FAT3: variants seen among roughly 807,000 people sequenced by gnomAD.
FAT3 encodes protocadherin Fat 3.
A neutral mutation model predicts 310.2 loss-of-function variants in FAT3; 95 were observed. The observed-to-expected ratio is 0.31, with a 90% CI of 0.26 to 0.36. The LOEUF (loss-of-function observed/expected upper bound fraction) is 0.36, where lower values mean the gene tolerates loss of function less well. Among genes scored for constraint, FAT3 ranks in the 10% least tolerant of loss-of-function variants. FAT3 has a pLI of 1.00. For missense variants in FAT3, 5,408 were observed against 5,715.6 expected, an observed-to-expected ratio of 0.95 and a Z score of 1.74; for synonymous variants, 2,314 against 2,192.9, an observed-to-expected ratio of 1.06 and a Z score of -1.54.
intron 13 of FAT3, 96 bp from the exon 14 acceptor site, chr11:92,831,526 G>T: frequency 9.8e-7 from 1 of 1,017,364 alleles, no homozygotes; most frequent in Non-Finnish European, 1.4e-6. Flanking sequence ...TATTTTTCTT[G>T]TTGTGGCCCT....
chr11:92,522,771 A>G (rs1953729444), intron 2 of FAT3, among the ~76,000 whole-genome samples: 1 of 152,164 alleles, frequency 6.6e-6, no homozygotes, highest in Admixed American at 6.5e-5. Flanking sequence ...GTAAAGAGCC[A>G]AATTCCACCT....
intron 2 of FAT3, among the ~76,000 whole-genome samples, chr11:92,493,294 C>T (rs1357932346): frequency 1.3e-5 from 2 of 152,056 alleles, no homozygotes; most frequent in African/African-American, 4.8e-5. Flanking sequence ...CAGAAGTTTC[C>T]TCCCTATGCC....
In FAT3 at chr11:92,894,561, G is replaced by A. The variant is rs1949985425; in HGVS notation, c.*3448G>A. The A allele has an allele frequency of 6.6e-6, 1 of 152,154 alleles. No homozygotes were observed. The highest frequency in any genetic ancestry group is 2.4e-5 in the African/African-American group (1 of 41,434). 9.4% of individuals were successfully genotyped at this position (152,154 alleles called of 1,614,324 possible). On this transcript the variant is annotated 3_prime_UTR_variant, in exon 28 of 28. Coordinates refer to ENST00000525166, the MANE Select transcript of FAT3 (RefSeq NM_001367949.2). ...CTAGTATTGCACACATTCTGGTTAG[G>A]TTGAGAATAGCTAGACTCTTGGTGC... is the stretch of plus-strand genomic sequence containing the variant.
chr11:92,730,002 C>T, intron 4 of FAT3, among the ~76,000 whole-genome samples: 1 of 151,988 alleles, frequency 6.6e-6, no homozygotes, highest in East Asian at 1.9e-4. Flanking sequence ...TTCCTGTTTT[C>T]ATAATTTTGC....
chr11:92,432,936 A>T (rs1950827684), intron 2 of FAT3, among the ~76,000 whole-genome samples: 1 of 152,134 alleles, frequency 6.6e-6, no homozygotes, highest in African/African-American at 2.4e-5. Context: ...CCCTGCCCAG[A>T]GAGGAGGAAT....
intron 4 of FAT3, among the ~76,000 whole-genome samples, chr11:92,735,910 C>A (rs1344779986): frequency 6.6e-6 from 1 of 152,038 alleles, no homozygotes; most frequent in Admixed American, 6.6e-5. Flanking sequence ...AGTAACATCT[C>A]TGTGAGGTAG....
chr11:92,634,295 C>G (rs111983004), intron 3 of FAT3, among the ~76,000 whole-genome samples: 3 of 152,154 alleles, frequency 2.0e-5, no homozygotes, highest in African/African-American at 4.8e-5. Flanking sequence ...CCAAATCCCC[C>G]TTTTGTTTTC....
chr11:92,253,276 C>T (rs1353469030), intron 1 of FAT3, among the ~76,000 whole-genome samples: 1 of 151,778 alleles, frequency 6.6e-6, no homozygotes, highest in African/African-American at 2.4e-5. Context: ...CTGAGTGGAG[C>T]TAAGAAATGC....
chr11:92,819,361 G>A (rs534613887), intron 13 of FAT3, among the ~76,000 whole-genome samples: 3 of 152,318 alleles, frequency 2.0e-5, no homozygotes, highest in South Asian at 2.1e-4. Context: ...GAGCCACCTC[G>A]AGGGTGTATT....
chr11:92,368,226 G>C (rs1006201859), intron 2 of FAT3, among the ~76,000 whole-genome samples: 2 of 152,010 alleles, frequency 1.3e-5, no homozygotes, highest in African/African-American at 4.8e-5. Flanking sequence ...TTTTTCTCCA[G>C]TGTGGTTGAC....
chr11:92,309,322 T>TCCTTC (rs1947228208), intron 1 of FAT3, among the ~76,000 whole-genome samples: 1 of 144,048 alleles, frequency 6.9e-6, no homozygotes. Flanking sequence ...CAGCCATCTC[T>TCCTTC]CCTTCCCTTC....
At chr11:92,709,293 C>A (rs10501794) in intron 4 of FAT3, among the ~76,000 whole-genome samples, 1 of 152,170 alleles carries the variant, frequency 6.6e-6, no homozygotes, top group Non-Finnish European at 1.5e-5. Flanking sequence ...AAACCTCAAT[C>A]GTGTAGAAAT....
intron 2 of FAT3, among the ~76,000 whole-genome samples, chr11:92,436,798 G>T (rs1219345363): frequency 6.6e-6 from 1 of 152,126 alleles, no homozygotes; most frequent in African/African-American, 2.4e-5. Context: ...TCTGGTTCCT[G>T]CTCTGTGTTG....
At chr11:92,556,446 G>A (rs574561379) in intron 3 of FAT3, among the ~76,000 whole-genome samples, 32 of 152,170 alleles carry the variant, frequency 2.1e-4, no homozygotes, top group South Asian at 8.3e-4. Context: ...TGGCAAAGAT[G>A]GTATGTTTTT....
intron 3 of FAT3, among the ~76,000 whole-genome samples, chr11:92,610,849 T>C (rs1005646651): frequency 9.9e-5 from 15 of 152,150 alleles, no homozygotes; most frequent in African/African-American, 3.1e-4. Context: ...GTGGAAGGGA[T>C]GATTGAGTGC....
rs764204490 is a variant in FAT3 at position 92,844,275 on chromosome 11, T to C, written c.10908T>C (p.His3636=). The part of the protein sequence containing the change: ...RFQVPIDVVV[H]VEQLVHEMLQ... ...AGGTACCCATTGATGTGGTCGTGCA[T>C]GTGGAGCAGTTGGTGCATGAGATGC... is the stretch of plus-strand genomic sequence containing the variant. Residue 3636 remains histidine (H), a synonymous_variant, in exon 19 of 28, where the codon CAT becomes CAC. Coordinates refer to ENST00000525166, the MANE Select transcript of FAT3 (RefSeq NM_001367949.2). 3 of 1,613,990 alleles carry C rather than the reference T, an allele frequency of 1.9e-6. No individual in the cohort carries two copies. Among genetic ancestry groups the C allele is most frequent in the East Asian group, 2.2e-5 (1 of 44,880 alleles).
intron 1 of FAT3, among the ~76,000 whole-genome samples, chr11:92,326,743 A>G (rs1270917631): frequency 6.6e-6 from 1 of 152,230 alleles, no homozygotes; most frequent in Non-Finnish European, 1.5e-5. Context: ...TACAGTCTGG[A>G]GGAACCCAGC....
intron 2 of FAT3, among the ~76,000 whole-genome samples, chr11:92,501,524 A>G (rs1169313355): frequency 1.3e-5 from 2 of 152,064 alleles, no homozygotes; most frequent in Admixed American, 6.6e-5. Context: ...GGCGGTATTC[A>G]TGTGTGAAAG....
intron 1 of FAT3, among the ~76,000 whole-genome samples, chr11:92,240,569 A>AC (rs5793589): frequency 2.1e-5 from 3 of 141,098 alleles, no homozygotes; most frequent in African/African-American, 7.9e-5. Flanking sequence ...ACAAAATGAA[A>AC]CCCCCCCAAA....
Sources: allele counts gnomAD v4.1 joint callset (sites outside exome capture counted in the v4.1 genomes callset), GRCh38; gene constraint gnomAD v4.1.1; transcripts MANE v1.5; gene names NCBI Gene and HGNC (gene_info 2026-07-23, HGNC 2026-07-21).